CADM3: variants seen among roughly 807,000 people sequenced by gnomAD.
CADM3 encodes cell adhesion molecule 3.
CADM3 carries 11 observed loss-of-function variants against 44.9 expected under a neutral mutation model. The ratio of observed to expected loss-of-function variants is 0.25; its 90% CI spans 0.15 to 0.41. CADM3 has a LOEUF of 0.41. Ranked by LOEUF, CADM3 falls within the 10% of genes least tolerant of loss-of-function variation. CADM3 has a pLI of 1.00. For missense variants in CADM3, 426 were observed against 512.0 expected (o/e 0.83, Z 1.62); for synonymous variants, 207 against 205.2 (o/e 1.01, Z -0.08).
rs766017705 is a variant in CADM3 at position 159,193,702 on chromosome 1, T to A, written c.520+142T>A. On this transcript the variant is annotated intron_variant, in intron 4 of 8. Transcript: ENST00000368125. Reference sequence around the variant, plus strand: ...TATTTTGTGTGCACTCAAGTGCCTATGTGTGTGTTGGGGCCTACATTCTCC... The same window carrying A: ...TATTTTGTGTGCACTCAAGTGCCTAAGTGTGTGTTGGGGCCTACATTCTCC... 2.1e-6 allele frequency: 3 copies of A among 1,410,538 alleles called. No individual in the cohort carries two copies. In the South Asian group the frequency reaches 3.6e-5, roughly 17 times the overall value. 87.4% of individuals were successfully genotyped at this position (1,410,538 alleles called of 1,614,324 possible). A position where few individuals can be genotyped will look rare whatever the true frequency, so the allele number is the denominator to read the frequency against.
chr1:159,179,169 A>G (rs1453918860), intron 1 of CADM3, among the ~76,000 whole-genome samples: 1 of 152,060 alleles, frequency 6.6e-6, no homozygotes, highest in Non-Finnish European at 1.5e-5. Flanking sequence ...AAATACAGAA[A>G]TCTCAACATA....
In CADM3 at chr1:159,203,001, C is replaced by A. The variant is rs1320904668; in HGVS notation, c.*2079C>A. 1.2e-5 allele frequency: 1 copy of A among 80,434 alleles called. No individual in the cohort carries two copies. Among genetic ancestry groups the A allele is most frequent in the African/African-American group, 5.1e-5 (1 of 19,490 alleles). The allele number at this position is 80,434 out of a possible 1,614,324, so 5.0% of individuals were successfully genotyped here. A position where few individuals can be genotyped will look rare whatever the true frequency, so the allele number is the denominator to read the frequency against. On this transcript the variant is annotated 3_prime_UTR_variant, in exon 9 of 9. Transcript: ENST00000368125. ...TACGGGGGGGTGGGAGGGAGAGGGG[C>A]TGTTGTGCTGTGTGTGTCTGTCCAG...
intron 2 of CADM3, 50 bp from the exon 3 acceptor site, chr1:159,192,528 A>C (rs1325881614): frequency 5.0e-6 from 8 of 1,613,156 alleles, no homozygotes; most frequent in Non-Finnish European, 6.8e-6. Context: ...GAAGGTAAAC[A>C]TGAAAGGTGC....
At chr1:159,193,335 C>A in intron 3 of CADM3, 88 bp from the exon 4 acceptor site, 2 of 1,347,182 alleles carry the variant, frequency 1.5e-6, no homozygotes, top group South Asian at 1.4e-5. Context: ...AACCCAGGTA[C>A]GCAGAGAAGC....
At chr1:159,180,140 C>A (rs1044495864) in intron 1 of CADM3, among the ~76,000 whole-genome samples, 1 of 152,052 alleles carries the variant, frequency 6.6e-6, no homozygotes, top group Non-Finnish European at 1.5e-5. Flanking sequence ...GAAGAGAGAG[C>A]CTGAATTCTG....
intron 4 of CADM3, 36 bp downstream of exon 4, chr1:159,193,596 T>C: frequency 6.2e-7 from 1 of 1,613,738 alleles, no homozygotes; most frequent in Non-Finnish European, 8.5e-7. Flanking sequence ...CAGGAGAAAG[T>C]GGTGCTGGAA....
At chr1:159,177,958 G>A (rs1649089552) in intron 1 of CADM3, among the ~76,000 whole-genome samples, 2 of 152,118 alleles carry the variant, frequency 1.3e-5, no homozygotes, top group African/African-American at 2.4e-5. Flanking sequence ...ATTGGTTCCA[G>A]GACCTCCCAC....
At chr1:159,200,703 T>G in intron 8 of CADM3, 101 bp from the exon 9 acceptor site, 3 of 778,820 alleles carry the variant, frequency 3.9e-6, no homozygotes, top group Non-Finnish European at 6.0e-6. Flanking sequence ...AAGAGAAAAA[T>G]TACTTGAGCA....
chr1:159,185,741 C>T (rs986771078), intron 1 of CADM3, among the ~76,000 whole-genome samples: 2 of 152,166 alleles, frequency 1.3e-5, no homozygotes, highest in African/African-American at 4.8e-5. Flanking sequence ...TTTGCTATTT[C>T]CTCTCTACCG....
chr1:159,191,900 G>A, intron 1 of CADM3, 36 bp from the exon 2 acceptor site: 1 of 1,612,722 alleles, frequency 6.2e-7, no homozygotes, highest in Non-Finnish European at 8.5e-7. Context: ...AGGGGCTAGG[G>A]GTCCTCAGGA....
intron 4 of CADM3, 129 bp from the exon 5 acceptor site, chr1:159,193,741 C>T: frequency 6.9e-7 from 1 of 1,449,688 alleles, no homozygotes; most frequent in Non-Finnish European, 9.5e-7. Flanking sequence ...CCACAACTTT[C>T]TAAGTTTATC....
At chr1:159,188,624 A>G (rs1557934134) in intron 1 of CADM3, among the ~76,000 whole-genome samples, 1 of 152,062 alleles carries the variant, frequency 6.6e-6, no homozygotes, top group East Asian at 1.9e-4. Context: ...AGCTCACTGA[A>G]TTTTGCGCAC....
intron 5 of CADM3, chr1:159,195,127 G>A (rs1353248426): frequency 6.6e-6 from 1 of 152,188 alleles, no homozygotes; most frequent in Admixed American, 6.5e-5. Flanking sequence ...ACCTGAGGTA[G>A]GTTTAGGGTG....
chr1:159,180,584 T>C (rs901645932), intron 1 of CADM3, among the ~76,000 whole-genome samples: 5 of 151,972 alleles, frequency 3.3e-5, no homozygotes, highest in Non-Finnish European at 7.4e-5. Context: ...TACAGATTTT[T>C]TTTTTTTTAA....
chr1:159,193,267 A>G (rs1649745260), intron 3 of CADM3, among the ~76,000 whole-genome samples, 156 bp from the exon 4 acceptor site: 1 of 152,084 alleles, frequency 6.6e-6, no homozygotes, highest in Non-Finnish European at 1.5e-5. Context: ...GTCCTCAGGG[A>G]GGAGATCAAA....
At chr1:159,196,742 C>A in intron 6 of CADM3, 149 bp from the exon 7 acceptor site, 1 of 766,656 alleles carries the variant, frequency 1.3e-6, no homozygotes. Flanking sequence ...GGCCACCTGG[C>A]GTATAGCAGC....
Position 159,171,640 on chromosome 1 carries a change from C to T in CADM3, c.-126C>T. On this transcript the variant is annotated 5_prime_UTR_variant, in exon 1 of 9. Transcript: ENST00000368125. ...GGCTCCCTCCCGGTCCCCACCTCGG[C>T]CCCGGGCTCCGAAGCGGCTCGGGGG... 1.7e-6 allele frequency: 1 copy of T among 605,568 alleles called. No homozygotes were observed. The highest frequency in any genetic ancestry group is 2.4e-6 in the Non-Finnish European group (1 of 416,528). The allele number at this position is 605,568 out of a possible 1,614,324, so 37.5% of individuals were successfully genotyped here.
At chr1:159,172,071 G>T (rs991548440) in intron 1 of CADM3, among the ~76,000 whole-genome samples, 5 of 152,198 alleles carry the variant, frequency 3.3e-5, no homozygotes, top group African/African-American at 9.6e-5. Context: ...ACCACTGAGC[G>T]TGTGTCTGCG....
intron 1 of CADM3, among the ~76,000 whole-genome samples, chr1:159,180,836 C>G (rs1649205193): frequency 6.6e-6 from 1 of 152,150 alleles, no homozygotes; most frequent in Admixed American, 6.5e-5. Context: ...ACAAATTAAA[C>G]TTTTCCACAG....
Sources: allele counts gnomAD v4.1 joint callset (sites outside exome capture counted in the v4.1 genomes callset), GRCh38; gene constraint gnomAD v4.1.1; transcripts MANE v1.5; gene names NCBI Gene and HGNC (gene_info 2026-07-23, HGNC 2026-07-21).